The following PHACTR3 variants were observed in gnomAD, a reference collection of about 807,000 sequenced individuals.
PHACTR3 encodes the protein protein phosphatase 1, regulatory subunit 123.
Under a neutral mutation model 66.8 loss-of-function variants are expected in PHACTR3, and 16 were observed. That is an observed-to-expected ratio of 0.24 (90% CI 0.16 to 0.36). PHACTR3 has a LOEUF of 0.36. Among genes scored for constraint, PHACTR3 ranks in the 10% least tolerant of loss-of-function variants. The probability of loss-of-function intolerance (pLI) is 1.00; values close to 1 mark genes in which losing one functional copy is unlikely to be tolerated. For missense variants in PHACTR3, 647 were observed against 719.9 expected (o/e 0.90, Z 1.16); for synonymous variants, 323 against 292.1 (o/e 1.11, Z -1.08).
At chr20:59,577,978 T>C (rs1322592656) in intron 1 of PHACTR3, among the ~76,000 whole-genome samples, 1 of 152,214 alleles carries the variant, frequency 6.6e-6, no homozygotes, top group Non-Finnish European at 1.5e-5. Context: ...ATCTGTGAAA[T>C]GGGGGATACC....
chr20:59,754,617 T>C (rs2039719438), intron 3 of PHACTR3, among the ~76,000 whole-genome samples: 1 of 152,216 alleles, frequency 6.6e-6, no homozygotes, highest in Non-Finnish European at 1.5e-5. Context: ...TCTGCAGCCA[T>C]GACAACCCCT....
intron 10 of PHACTR3, 104 bp from the exon 11 acceptor site, chr20:59,841,291 T>G (rs973929516): frequency 1.4e-5 from 17 of 1,230,114 alleles, no homozygotes; most frequent in Admixed American, 7.6e-5. Flanking sequence ...TTTCAGGTTT[T>G]TTTTGTTTTG....
chr20:59,607,485 A>G (rs1432167706), intron 1 of PHACTR3, among the ~76,000 whole-genome samples: 1 of 152,202 alleles, frequency 6.6e-6, no homozygotes, highest in Non-Finnish European at 1.5e-5. Flanking sequence ...TCTAAATTCT[A>G]TAATTTAATG....
chr20:59,628,856 C>T (rs6015535), intron 1 of PHACTR3: 688,638 of 973,776 alleles, frequency 0.71, 244,312 homozygotes, highest in Non-Finnish European at 0.72. Flanking sequence ...TACAATTGTT[C>T]ACACTTTCTA....
intron 1 of PHACTR3, among the ~76,000 whole-genome samples, chr20:59,589,780 T>C (rs915880635): frequency 1.2e-4 from 18 of 152,266 alleles, no homozygotes; most frequent in African/African-American, 4.3e-4. Flanking sequence ...AAGATCTTCC[T>C]TTAAAAGTGA....
chr20:59,642,896 T>C (rs776920421), intron 1 of PHACTR3, among the ~76,000 whole-genome samples: 10 of 152,132 alleles, frequency 6.6e-5, no homozygotes, highest in Non-Finnish European at 1.3e-4. Flanking sequence ...TTAATTCTTC[T>C]TCTTGTTTTT....
chr20:59,825,379 T>C (rs946470519), intron 8 of PHACTR3, among the ~76,000 whole-genome samples: 2 of 152,224 alleles, frequency 1.3e-5, no homozygotes, highest in Non-Finnish European at 2.9e-5. Context: ...CACTCATGCA[T>C]TCAGACACTC....
intron 1 of PHACTR3, among the ~76,000 whole-genome samples, chr20:59,726,792 C>T (rs899847484): frequency 3.9e-5 from 6 of 152,008 alleles, no homozygotes; most frequent in East Asian, 1.9e-4. Flanking sequence ...AAGGTGTTCC[C>T]GGACTTTGCA....
At chr20:59,643,939 A>G (rs1426394152) in intron 1 of PHACTR3, among the ~76,000 whole-genome samples, 1 of 152,144 alleles carries the variant, frequency 6.6e-6, no homozygotes, top group East Asian at 1.9e-4. Context: ...TTGTTAGAGA[A>G]CACTACTGAC....
At chr20:59,756,981 C>A (rs1258862749) in intron 4 of PHACTR3, among the ~76,000 whole-genome samples, 1 of 152,204 alleles carries the variant, frequency 6.6e-6, no homozygotes, top group Non-Finnish European at 1.5e-5. Flanking sequence ...GGGCTAATAT[C>A]CAGAATCTAC....
At chr20:59,700,006 C>G (rs1394815451) in intron 1 of PHACTR3, among the ~76,000 whole-genome samples, 2 of 152,212 alleles carry the variant, frequency 1.3e-5, no homozygotes, top group Non-Finnish European at 2.9e-5. Flanking sequence ...AGTTTGCATA[C>G]TAAACTTGCT....
intron 1 of PHACTR3, among the ~76,000 whole-genome samples, chr20:59,652,821 A>G (rs1417341399): frequency 1.3e-5 from 2 of 152,124 alleles, no homozygotes; most frequent in Non-Finnish European, 2.9e-5. Flanking sequence ...TAAAATTAAC[A>G]TCACAATCAT....
At chr20:59,732,403 A>C (rs1057130791) in intron 1 of PHACTR3, among the ~76,000 whole-genome samples, 36 of 152,224 alleles carry the variant, frequency 2.4e-4, no homozygotes, top group Non-Finnish European at 3.8e-4. Context: ...TGGAATGAAC[A>C]TGCAGAAGGT....
rs534490640 is a variant in PHACTR3 at position 59,774,660 on chromosome 20, G to A, written c.1174+170G>A. ...TGGAAATGAGCTTCTCCTGAAACAA[G>A]CTGGGGTGGGGGTGCACAGCCAGGC... On this transcript the variant is annotated intron_variant, in intron 7 of 12. Transcript: ENST00000371015. Among the ~76,000 whole-genome samples, 47 of 152,056 alleles carry A rather than the reference G, an allele frequency of 3.1e-4. No homozygotes were observed. The East Asian group carries it at 7.8e-3, about 25-fold the overall frequency.
intron 1 of PHACTR3, among the ~76,000 whole-genome samples, chr20:59,677,045 G>A (rs1035337080): frequency 3.3e-5 from 5 of 152,084 alleles, no homozygotes; most frequent in African/African-American, 1.2e-4. Flanking sequence ...AAAGAGTCAC[G>A]AAGGTCTTTT....
At chr20:59,742,969 G>A in intron 1 of PHACTR3, 138 bp from the exon 2 acceptor site, 1 of 988,380 alleles carries the variant, frequency 1.0e-6, no homozygotes, top group Non-Finnish European at 1.5e-6. Flanking sequence ...TGGGTGCACT[G>A]CTGGACAACC....
chr20:59,604,722 C>A lies in PHACTR3; in HGVS notation c.-293C>A. 2 of 1,056,048 alleles carry A rather than the reference C, an allele frequency of 1.9e-6. No homozygotes were observed. Among genetic ancestry groups the A allele is most frequent in the Non-Finnish European group, 2.3e-6 (2 of 878,842 alleles). 65.4% of individuals were successfully genotyped at this position (1,056,048 alleles called of 1,614,324 possible). A position where few individuals can be genotyped will look rare whatever the true frequency, so the allele number is the denominator to read the frequency against. ...CCTGGTTCAACTTTTTTTTTTTTCC[C>A]TGGAATATAGACTGAAGAATGGGAA... On this transcript the variant is annotated 5_prime_UTR_variant, in exon 1 of 13. It adds an upstream start codon to the 5' untranslated region. Coordinates refer to ENST00000371015, the MANE Select transcript of PHACTR3 (RefSeq NM_080672.5).
intron 1 of PHACTR3, among the ~76,000 whole-genome samples, chr20:59,672,732 G>A (rs1336209225): frequency 6.6e-5 from 10 of 152,148 alleles, no homozygotes; most frequent in African/African-American, 1.2e-4. Context: ...CCCAGCTTGC[G>A]GCCTCCTTCC....
chr20:59,831,699 T>A (rs1273895590), intron 8 of PHACTR3, among the ~76,000 whole-genome samples: 1 of 151,974 alleles, frequency 6.6e-6, no homozygotes, highest in Non-Finnish European at 1.5e-5. Flanking sequence ...CTCTAGCGGC[T>A]CCTCGGAGAG....
Sources: allele counts gnomAD v4.1 joint callset (sites outside exome capture counted in the v4.1 genomes callset), GRCh38; gene constraint gnomAD v4.1.1; transcripts MANE v1.5; gene names NCBI Gene and HGNC (gene_info 2026-07-23, HGNC 2026-07-21).